TASOR2: variants seen among roughly 807,000 people sequenced by gnomAD.
TASOR2 encodes the protein protein TASOR 2.
TASOR2 carries 84 observed loss-of-function variants against 199.5 expected under a neutral mutation model. The observed-to-expected ratio is 0.42, with a 90% CI of 0.35 to 0.50. The LOEUF is 0.50. Among genes scored for constraint, TASOR2 ranks in the 20% least tolerant of loss-of-function variants. The pLI is 0.02. For missense variants in TASOR2, 2,796 were observed against 2,835.9 expected (o/e 0.99, Z 0.32); for synonymous variants, 1,103 against 1,046.6 (o/e 1.05, Z -1.04).
rs1488202084 is a variant in TASOR2 at position 5,685,663 on chromosome 10, C to T, written c.-288+488C>T. On this transcript the variant is annotated intron_variant, in intron 1 of 20. Transcript: ENST00000328090. This position sits in a 1 kb window ranked among gnomAD's most constrained non-coding sequence, Gnocchi z 5.4. The stretch of plus-strand genomic sequence containing the variant: ...GGGAGGGTCATTTCAGCAGCAAGCG[C>T]AAGCCGCGTTGGGATAACTTGGTGC... Among the ~76,000 whole-genome samples, 1 of 152,186 alleles carries T rather than the reference C, an allele frequency of 6.6e-6. No homozygotes were observed. Among genetic ancestry groups the T allele is most frequent in the African/African-American group, 2.4e-5 (1 of 41,450 alleles).
rs1837582196 is a variant in TASOR2 at position 5,699,846 on chromosome 10, G to A, written c.-287-12977G>A. 1 of 572,612 alleles carries A rather than the reference G, an allele frequency of 1.7e-6. No individual in the cohort carries two copies. The highest frequency in any genetic ancestry group is 9.1e-4 in the Middle Eastern group (1 of 1,104). 35.5% of individuals were successfully genotyped at this position (572,612 alleles called of 1,614,324 possible). A position where few individuals can be genotyped will look rare whatever the true frequency, so the allele number is the denominator to read the frequency against. On this transcript the variant is annotated intron_variant, in intron 1 of 20. Coordinates refer to ENST00000328090, the Ensembl canonical transcript of TASOR2. The surrounding 1 kb of genome is among the most constrained non-coding windows in gnomAD (Gnocchi z 4.1). Reference sequence around the variant, plus strand: ...CATTTATTTTTATTGATGCGTAATAGATGTACACAGTTTTAGGATACATGT... The same window carrying A: ...CATTTATTTTTATTGATGCGTAATAAATGTACACAGTTTTAGGATACATGT...
At chr10:5,711,242 T>G (rs1366997932) in intron 1 of TASOR2, among the ~76,000 whole-genome samples, 1 of 152,166 alleles carries the variant, frequency 6.6e-6, no homozygotes, top group African/African-American at 2.4e-5. Flanking sequence ...TAGTCTAAAT[T>G]TAGCTTACTA....
At position 5,690,136 on chromosome 10, in the gene TASOR2, T is replaced by G. The variant is rs60586221; in HGVS notation, c.-288+4961T>G. Among the ~76,000 whole-genome samples, 824 of 152,322 alleles carry G rather than the reference T, an allele frequency of 5.4e-3. 5 individuals are homozygous for G. Among genetic ancestry groups the G allele is most frequent in the African/African-American group, 0.019 (787 of 41,588 alleles). On this transcript the variant is annotated intron_variant, in intron 1 of 20. Coordinates refer to ENST00000328090, the Ensembl canonical transcript of TASOR2. This position sits in a 1 kb window ranked among gnomAD's most constrained non-coding sequence, Gnocchi z 4.8. ...ATTTAATTTTTTCCTTTTTACTTAT[T>G]TATATTTGCTAAAAGATTACCTACT...
At chr10:5,721,063 A>G in intron 6 of TASOR2, 93 bp downstream of exon 7, 2 of 897,656 alleles carry the variant, frequency 2.2e-6, no homozygotes, top group Non-Finnish European at 3.5e-6. Flanking sequence ...GCATTGGTGT[A>G]AAATACAGCA....
In TASOR2 at chr10:5,707,726, TCACACACACACACACA is replaced by T. The variant is rs5782856; in HGVS notation, c.-287-5063_-287-5048del. ...CATACTCACTCTCCCTCACTCATTT[TCACACACACACACACA>T]CACACACACACACACACACACACAC... On this transcript the variant is annotated intron_variant, in intron 1 of 20. Transcript: ENST00000328090. Among the ~76,000 whole-genome samples the T allele has an allele frequency of 5.5e-3, 707 of 129,192 alleles. 2 individuals are homozygous for T. Among genetic ancestry groups the T allele is most frequent in the African/African-American group, 0.012 (374 of 31,604 alleles). The allele number at this position is 129,192 out of a possible 152,430, so 84.8% of individuals were successfully genotyped here.
Position 5,690,731 on chromosome 10 carries a change from G to A in TASOR2, c.-288+5556G>A, listed in dbSNP as rs1007314428. 6.6e-6 allele frequency among the ~76,000 whole-genome samples: 1 copy of A among 152,186 alleles called. No individual in the cohort carries two copies. The highest frequency in any genetic ancestry group is 2.4e-5 in the African/African-American group (1 of 41,442). ...TTAACAGTGTGTATCCTTGCAATAA[G>A]TATATTAATGAATACGATACAACCA... On this transcript the variant is annotated intron_variant, in intron 1 of 20. Coordinates refer to ENST00000328090, the Ensembl canonical transcript of TASOR2. This position sits in a 1 kb window ranked among gnomAD's most constrained non-coding sequence, Gnocchi z 4.8.
intron 1 of TASOR2, among the ~76,000 whole-genome samples, chr10:5,691,369 C>A (rs1048361268): frequency 6.6e-6 from 1 of 151,372 alleles, no homozygotes; most frequent in African/African-American, 2.4e-5. Context: ...AAACAATCTT[C>A]AAAAATTGAA....
chr10:5,749,363 G>C, exon 15 of TASOR2: 1 of 1,614,234 alleles, frequency 6.2e-7, no homozygotes, highest in Non-Finnish European at 8.5e-7. Context: ...GAGTATCTGC[G>C]TTTTGCACAT....
Position 5,747,871 on chromosome 10 carries a change from A to G in TASOR2, c.4450A>G (p.Thr1484Ala). The G allele has an allele frequency of 1.2e-6, 2 of 1,613,770 alleles. No homozygotes were observed. The highest frequency in any genetic ancestry group is 4.5e-5 in the East Asian group (2 of 44,886). ...CTCTGCCGAAATGCCTCTAATATTA[A>G]CTGATCATCCAGGAAGAACAGGTAG... The change falls in exon 15 of 21, where the codon ACT becomes GCT. Residue 1484 changes from threonine (T) to alanine (A), a missense_variant. Thr to Ala is a moderately conservative substitution (Grantham distance 58). Coordinates refer to ENST00000328090, the Ensembl canonical transcript of TASOR2.
rs1837813218 is a variant in TASOR2, at chr10:5,750,082, AAAT to A, written c.6606+61_6606+63del. 3 of 1,504,566 alleles carry A rather than the reference AAAT, an allele frequency of 2.0e-6. No homozygotes were observed. The South Asian group carries it at 4.1e-5, about 21-fold the overall frequency. 93.2% of individuals were successfully genotyped at this position (1,504,566 alleles called of 1,614,324 possible). On this transcript the variant is annotated intron_variant, in intron 15 of 20. Coordinates refer to ENST00000328090, the Ensembl canonical transcript of TASOR2. This position sits in a 1 kb window ranked among gnomAD's most constrained non-coding sequence, Gnocchi z 5.4. ...TTTTAATTGCTGATTTTAGTTTTAG[AAAT>A]AATAAATTTAGCATATTAGCCATCA...
rs1181987627 is a variant in TASOR2 at position 5,750,529 on chromosome 10, T to C, written c.6606+502T>C. 6.6e-6 allele frequency among the ~76,000 whole-genome samples: 1 copy of C among 152,254 alleles called. No individual in the cohort carries two copies. Among genetic ancestry groups the C allele is most frequent in the Non-Finnish European group, 1.5e-5 (1 of 68,048 alleles). Reference sequence around the variant, plus strand: ...CTGGCATGGGCGGAGCCTGTCTTGATTGAACCTGTCTTGATTCACCATTAA... The same window carrying C: ...CTGGCATGGGCGGAGCCTGTCTTGACTGAACCTGTCTTGATTCACCATTAA... On this transcript the variant is annotated intron_variant, in intron 15 of 20. Transcript: ENST00000328090. The surrounding 1 kb of genome is among the most constrained non-coding windows in gnomAD (Gnocchi z 5.4).
chr10:5,743,382 A>T (rs1206655836), intron 14 of TASOR2, among the ~76,000 whole-genome samples: 1 of 152,240 alleles, frequency 6.6e-6, no homozygotes, highest in Non-Finnish European at 1.5e-5. Flanking sequence ...TGTGCCAGAA[A>T]GTAAGAGTTC....
exon 15 of TASOR2, chr10:5,749,102 C>T (rs1837622376): frequency 2.5e-6 from 4 of 1,614,130 alleles, no homozygotes; most frequent in Non-Finnish European, 2.5e-6. Context: ...ACGAGCCTCC[C>T]TCCCGGGCAC....
In TASOR2 at chr10:5,752,229, A is replaced by T. The variant is rs183297286; in HGVS notation, c.6606+2202A>T. On this transcript the variant is annotated intron_variant, in intron 15 of 20. Coordinates refer to ENST00000328090, the Ensembl canonical transcript of TASOR2. The surrounding 1 kb of genome is among the most constrained non-coding windows in gnomAD (Gnocchi z 4.4). ...CATGATTCTTATAGTCTAATGGGACAAGGAAAACACTGATTAAAAGAGTCA... is the reference window on the plus strand; with the variant it reads ...CATGATTCTTATAGTCTAATGGGACTAGGAAAACACTGATTAAAAGAGTCA... 1.3e-5 allele frequency among the ~76,000 whole-genome samples: 2 copies of T among 152,228 alleles called. No homozygotes were observed. The highest frequency in any genetic ancestry group is 3.9e-4 in the East Asian group (2 of 5,194).
At chr10:5,724,116 C>CA (rs982453476) in intron 7 of TASOR2, among the ~76,000 whole-genome samples, 3 of 152,100 alleles carry the variant, frequency 2.0e-5, no homozygotes, top group African/African-American at 4.8e-5. Flanking sequence ...CTTTTAAACT[C>CA]AAAGAAAAAC....
At chr10:5,695,456 G>A (rs1282079855) in intron 1 of TASOR2, among the ~76,000 whole-genome samples, 1 of 152,126 alleles carries the variant, frequency 6.6e-6, no homozygotes, top group African/African-American at 2.4e-5. Context: ...TATTGATTTG[G>A]TGTGTAATTA....
At chr10:5,744,985 G>A (rs891824568) in intron 14 of TASOR2, among the ~76,000 whole-genome samples, 5 of 152,172 alleles carry the variant, frequency 3.3e-5, no homozygotes, top group Non-Finnish European at 4.4e-5. Flanking sequence ...TTTCCAACAT[G>A]TATGCTTCAA....
chr10:5,713,207 T>A (rs1211975115), intron 2 of TASOR2, among the ~76,000 whole-genome samples: 2 of 152,208 alleles, frequency 1.3e-5, no homozygotes, highest in Non-Finnish European at 2.9e-5. Context: ...TTTACTAGAG[T>A]GAATGGATAT....
exon 15 of TASOR2, chr10:5,747,245 T>C: frequency 1.9e-6 from 3 of 1,614,220 alleles, no homozygotes; most frequent in Non-Finnish European, 2.5e-6. Context: ...AGCCTAGAGT[T>C]ATCAGAGGAA....
Sources: allele counts gnomAD v4.1 joint callset (sites outside exome capture counted in the v4.1 genomes callset), GRCh38; gene constraint gnomAD v4.1.1; non-coding constraint Gnocchi (gnomAD v3.1); transcripts MANE v1.5; gene names NCBI Gene and HGNC (gene_info 2026-07-23, HGNC 2026-07-21).